The following SYT16 variants were observed in gnomAD, a reference collection of about 807,000 sequenced individuals.
SYT16 encodes the protein synaptotagmin 16.
SYT16 carries 42 observed loss-of-function variants against 61.4 expected under a neutral mutation model. That is an observed-to-expected ratio of 0.68 (90% CI 0.53 to 0.89). SYT16 has a LOEUF of 0.89. Ranked by LOEUF, SYT16 falls within the 40% of genes least tolerant of loss-of-function variation. The pLI is 0.00. For synonymous variants in SYT16, 314 were observed against 302.3 expected, an observed-to-expected ratio of 1.04 and a Z score of -0.40; for missense variants, 804 against 807.3, an observed-to-expected ratio of 1.00 and a Z score of 0.05.
chr14:61,832,166 G>A, intron 1 of SYT16: 2 of 690,668 alleles, frequency 2.9e-6, no homozygotes, highest in South Asian at 2.8e-5. Context: ...TGCTCCAGGA[G>A]GCCTTCTCCT....
At chr14:61,818,692 A>AC (rs1368439072) in intron 1 of SYT16, among the ~76,000 whole-genome samples, 4 of 151,734 alleles carry the variant, frequency 2.6e-5, no homozygotes, top group African/African-American at 9.7e-5. Flanking sequence ...AAAAAAAAAA[A>AC]AAACAGCATT....
intron 1 of SYT16, among the ~76,000 whole-genome samples, chr14:61,819,566 C>T (rs1024272873): frequency 1.3e-5 from 2 of 152,164 alleles, no homozygotes; most frequent in Non-Finnish European, 2.9e-5. Context: ...TATAATTTTA[C>T]TCACAATGGA....
At position 62,111,870 on chromosome 14, in the gene SYT16, TA is replaced by T. The variant is rs2057615089; in HGVS notation, c.*11164del. The T allele has an allele frequency of 6.6e-6, 1 of 152,122 alleles. No homozygotes were observed. The highest frequency in any genetic ancestry group is 2.1e-4 in the South Asian group (1 of 4,826). 9.4% of individuals were successfully genotyped at this position (152,122 alleles called of 1,614,324 possible). On this transcript the variant is annotated 3_prime_UTR_variant, in exon 8 of 8. Transcript: ENST00000683842. ...CATGTGGGTGTCCTTGTGTTTCTCA[TA>T]GTATGACTTATTGATTCATGGTGTC...
At chr14:62,052,926 T>C (rs888761853) in intron 3 of SYT16, among the ~76,000 whole-genome samples, 1 of 152,244 alleles carries the variant, frequency 6.6e-6, no homozygotes, top group African/African-American at 2.4e-5. Flanking sequence ...TCTGTGATAC[T>C]TTTTTATAGC....
chr14:61,867,471 A>G (rs1372301532), intron 1 of SYT16, among the ~76,000 whole-genome samples: 3 of 152,080 alleles, frequency 2.0e-5, no homozygotes, highest in African/African-American at 7.2e-5. Flanking sequence ...CCTGTAGCCA[A>G]CGTCTAGAAG....
At chr14:61,967,462 G>C (rs2051360004) in intron 1 of SYT16, among the ~76,000 whole-genome samples, 1 of 152,130 alleles carries the variant, frequency 6.6e-6, no homozygotes, top group African/African-American at 2.4e-5. Flanking sequence ...CAAGGTGTTG[G>C]CAGGTTGGTT....
rs2057570495 is a variant in SYT16 at position 62,109,536 on chromosome 14, A to G, written c.*8829A>G. On this transcript the variant is annotated 3_prime_UTR_variant, in exon 8 of 8. Coordinates refer to ENST00000683842, the MANE Select transcript of SYT16 (RefSeq NM_001367656.1). ...TGTAGCAACTTCCAGTCTAGAATAA[A>G]TTTCACCTATATGATATTGAGCTTG... is the stretch of plus-strand genomic sequence containing the variant. 6.6e-6 allele frequency: 1 copy of G among 152,098 alleles called. No individual in the cohort carries two copies. The highest frequency in any genetic ancestry group is 2.4e-5 in the African/African-American group (1 of 41,416). The allele number at this position is 152,098 out of a possible 1,614,324, so 9.4% of individuals were successfully genotyped here.
chr14:62,016,939 T>G (rs1219120576), intron 3 of SYT16, among the ~76,000 whole-genome samples: 5 of 152,180 alleles, frequency 3.3e-5, no homozygotes, highest in Admixed American at 3.3e-4. Flanking sequence ...TTTAGTACTG[T>G]GATTTTCCTG....
intron 1 of SYT16, chr14:61,897,266 C>T (rs1028284039): frequency 6.6e-6 from 1 of 152,172 alleles, no homozygotes; most frequent in African/African-American, 2.4e-5. Flanking sequence ...AATTTGCTGA[C>T]CCCTGGTCTA....
At chr14:61,922,770 C>T (rs936180503) in intron 1 of SYT16, among the ~76,000 whole-genome samples, 1 of 152,148 alleles carries the variant, frequency 6.6e-6, no homozygotes, top group African/African-American at 2.4e-5. Context: ...TATTTGTAGG[C>T]CAGGCGTGGT....
At chr14:62,086,221 G>A (rs1356680367) in intron 7 of SYT16, among the ~76,000 whole-genome samples, 1 of 152,194 alleles carries the variant, frequency 6.6e-6, no homozygotes, top group Admixed American at 6.5e-5. Context: ...CTCAATGCCT[G>A]TAATCCCAGC....
chr14:61,925,301 C>A (rs2049491773), intron 1 of SYT16, among the ~76,000 whole-genome samples: 1 of 152,102 alleles, frequency 6.6e-6, no homozygotes, highest in African/African-American at 2.4e-5. Context: ...AGTGTTAAGC[C>A]TGAAAAGAGA....
intron 2 of SYT16, among the ~76,000 whole-genome samples, chr14:61,991,038 T>A (rs916181805): frequency 1.3e-5 from 2 of 152,198 alleles, no homozygotes; most frequent in East Asian, 1.9e-4. Flanking sequence ...TATGGCTTTT[T>A]AAAATCTTTA....
chr14:61,884,984 G>A (rs1006946496), intron 1 of SYT16, among the ~76,000 whole-genome samples: 1 of 152,120 alleles, frequency 6.6e-6, no homozygotes, highest in Non-Finnish European at 1.5e-5. Flanking sequence ...GGCCATAAAC[G>A]TAATGGAATG....
chr14:61,821,453 T>C (rs1050047569), intron 1 of SYT16, among the ~76,000 whole-genome samples: 36 of 152,140 alleles, frequency 2.4e-4, no homozygotes, highest in African/African-American at 7.7e-4. Context: ...GCAATCAAGG[T>C]GTCAGCTATG....
In SYT16 at chr14:62,108,436, T is replaced by C. The variant is rs545529220; in HGVS notation, c.*7729T>C. On this transcript the variant is annotated 3_prime_UTR_variant, in exon 8 of 8. Coordinates refer to ENST00000683842, the MANE Select transcript of SYT16 (RefSeq NM_001367656.1). ...AAAAACTCTGATTAAGTGAGGAACATGTACATTAAAAGATATTTTCATGTA... is the reference window on the plus strand; with the variant it reads ...AAAAACTCTGATTAAGTGAGGAACACGTACATTAAAAGATATTTTCATGTA... 6.6e-6 allele frequency: 1 copy of C among 152,316 alleles called. No individual in the cohort carries two copies. The highest frequency in any genetic ancestry group is 2.1e-4 in the South Asian group (1 of 4,826). The allele number at this position is 152,316 out of a possible 1,614,324, so 9.4% of individuals were successfully genotyped here.
chr14:62,075,463 C>T (rs2056453705), intron 5 of SYT16, 72 bp downstream of exon 5: 1 of 1,367,182 alleles, frequency 7.3e-7, no homozygotes, highest in African/African-American at 1.6e-5. Flanking sequence ...CCTTTCTCAT[C>T]TCTCTAAAAA....
chr14:62,059,607 G>C (rs1382505515), intron 3 of SYT16, among the ~76,000 whole-genome samples: 1 of 149,998 alleles, frequency 6.7e-6, no homozygotes, highest in Non-Finnish European at 1.5e-5. Flanking sequence ...TTTTCCTTGG[G>C]TATTCTATAG....
intron 3 of SYT16, among the ~76,000 whole-genome samples, chr14:62,042,009 T>G (rs1244989356): frequency 1.3e-5 from 2 of 152,240 alleles, no homozygotes; most frequent in Non-Finnish European, 2.9e-5. Context: ...CCTATCAGGT[T>G]CAATCTGTTG....
Sources: gnomAD v4.1 joint callset for allele counts (sites outside exome capture counted in the v4.1 genomes callset) on GRCh38, gnomAD v4.1.1 for gene constraint, MANE v1.5 for transcripts, NCBI Gene and HGNC (gene_info 2026-07-23, HGNC 2026-07-21) for gene names.